Variants in SLIT3 observed in about 807,000 individuals in gnomAD.
The protein encoded by SLIT3 is slit homolog 3 protein.
In SLIT3, 68 loss-of-function variants were observed where a neutral mutation model predicts 184.0. The observed-to-expected ratio is 0.37, with a 90% CI of 0.30 to 0.45. The LOEUF (loss-of-function observed/expected upper bound fraction) is 0.45, where lower values mean the gene tolerates loss of function less well. Ranked by LOEUF, SLIT3 falls within the 20% of genes least tolerant of loss-of-function variation. The probability of loss-of-function intolerance (pLI) is 1.00; values close to 1 mark genes in which losing one functional copy is unlikely to be tolerated. For synonymous variants in SLIT3, 831 were observed against 828.6 expected, an observed-to-expected ratio of 1.00 and a Z score of -0.05; for missense variants, 1,707 against 2,026.0, an observed-to-expected ratio of 0.84 and a Z score of 3.02.
intron 4 of SLIT3, among the ~76,000 whole-genome samples, chr5:169,118,952 T>C (rs923284860): frequency 6.6e-6 from 1 of 152,234 alleles, no homozygotes; most frequent in Non-Finnish European, 1.5e-5. Context: ...TGACCACTTA[T>C]TGTGTGCCAG....
Position 168,907,959 on chromosome 5 carries a change from T to TAG in SLIT3, c.414-24624_414-24623insCT, listed in dbSNP as rs1244335185. On this transcript the variant is annotated intron_variant, in intron 4 of 35. Coordinates refer to ENST00000519560, the MANE Select transcript of SLIT3 (RefSeq NM_003062.4). Reference sequence around the variant, plus strand: ...TATTATACGTGTATATATATATATATATATATATATATATATATATAGAGA... The same window carrying TAG: ...TATTATACGTGTATATATATATATATAGATATATATATATATATATATAGAGA... 1.1e-3 allele frequency among the ~76,000 whole-genome samples: 94 copies of TAG among 88,138 alleles called. 1 individual carries two copies. Among genetic ancestry groups the TAG allele is most frequent in the African/African-American group, 4.0e-3 (91 of 22,612 alleles). 57.8% of individuals were successfully genotyped at this position (88,138 alleles called of 152,430 possible).
At chr5:169,062,529 TG>T (rs1758209161) in intron 4 of SLIT3, among the ~76,000 whole-genome samples, 1 of 152,256 alleles carries the variant, frequency 6.6e-6, no homozygotes, top group African/African-American at 2.4e-5. Context: ...CCTCACTCAC[TG>T]TGCTCCAGGT....
At chr5:168,808,284 G>T (rs1411403009) in intron 8 of SLIT3, among the ~76,000 whole-genome samples, 1 of 151,996 alleles carries the variant, frequency 6.6e-6, no homozygotes, top group African/African-American at 2.4e-5. Context: ...TGAGAAAGTG[G>T]CAACCACAGA....
At chr5:169,088,451 A>G (rs1759409760) in intron 4 of SLIT3, among the ~76,000 whole-genome samples, 1 of 151,862 alleles carries the variant, frequency 6.6e-6, no homozygotes, top group Non-Finnish European at 1.5e-5. Flanking sequence ...GACAACAAAA[A>G]CAATTGGCAT....
chr5:168,997,059 C>T (rs1341505232), intron 4 of SLIT3, among the ~76,000 whole-genome samples: 2 of 152,182 alleles, frequency 1.3e-5, no homozygotes, highest in Non-Finnish European at 2.9e-5. Context: ...GAGGGATCAA[C>T]CGCCTCATTG....
chr5:168,928,778 C>A (rs919862982), intron 4 of SLIT3, among the ~76,000 whole-genome samples: 14 of 152,168 alleles, frequency 9.2e-5, no homozygotes, highest in African/African-American at 3.4e-4. Context: ...AGCCAAGGCA[C>A]TTTCACACCT....
chr5:168,714,277 G>A (rs1047174930), intron 23 of SLIT3, among the ~76,000 whole-genome samples: 5 of 152,190 alleles, frequency 3.3e-5, no homozygotes, highest in Non-Finnish European at 4.4e-5. Flanking sequence ...TTGCTGTTTT[G>A]CATAGGCACC....
intron 26 of SLIT3, among the ~76,000 whole-genome samples, chr5:168,703,331 C>G (rs1412051155): frequency 2.6e-5 from 4 of 151,226 alleles, no homozygotes; most frequent in Non-Finnish European, 1.5e-5. Context: ...GTGTCCCCAA[C>G]CCCTGGGACA....
At position 168,810,819 on chromosome 5, in the gene SLIT3, G is replaced by A. The variant is rs989454722; in HGVS notation, c.794-4232C>T. Reference sequence around the variant, plus strand: ...ACTGATCATCAGTGGTGCTGCCTCCGGTCCAGGGAACACTCAAGTGAGTGA... The same window carrying A: ...ACTGATCATCAGTGGTGCTGCCTCCAGTCCAGGGAACACTCAAGTGAGTGA... On this transcript the variant is annotated intron_variant, in intron 8 of 35. Coordinates refer to ENST00000519560, the MANE Select transcript of SLIT3 (RefSeq NM_003062.4). Among the ~76,000 whole-genome samples, 8 of 152,128 alleles carry A rather than the reference G, an allele frequency of 5.3e-5. No individual in the cohort carries two copies. The South Asian group carries it at 1.0e-3, about 20-fold the overall frequency.
chr5:168,925,664 TAAAA>T (rs79576362), intron 4 of SLIT3, among the ~76,000 whole-genome samples: 1 of 137,556 alleles, frequency 7.3e-6, no homozygotes, highest in Non-Finnish European at 1.6e-5. Context: ...TCTGCCCTGT[TAAAA>T]AAAAAAAAAA....
At chr5:168,789,672 G>A (rs752886160) in intron 10 of SLIT3, 41 bp from the exon 11 acceptor site, 4 of 1,510,488 alleles carry the variant, frequency 2.6e-6, no homozygotes, top group Non-Finnish European at 3.7e-6. Flanking sequence ...ATGGCTCAAA[G>A]GTGCGATAAC....
At chr5:169,283,455 A>G (rs1229310082) in intron 1 of SLIT3, among the ~76,000 whole-genome samples, 1 of 152,188 alleles carries the variant, frequency 6.6e-6, no homozygotes, top group African/African-American at 2.4e-5. Context: ...GATCCAATTG[A>G]CCTGACTTGG....
chr5:169,258,748 C>T (rs1011505921), intron 1 of SLIT3, among the ~76,000 whole-genome samples: 13 of 152,196 alleles, frequency 8.5e-5, no homozygotes, highest in African/African-American at 3.1e-4. Context: ...TAGGTCAGGC[C>T]ACTGGCCTTA....
chr5:169,235,125 ATT>A (rs1765149478), intron 3 of SLIT3, among the ~76,000 whole-genome samples: 1 of 152,046 alleles, frequency 6.6e-6, no homozygotes. Flanking sequence ...GTTTTGTTCC[ATT>A]GTTTTCTTCC....
At position 168,722,278 on chromosome 5, in the gene SLIT3, C is replaced by T. The variant is rs948200379; in HGVS notation, c.2461G>A (p.Gly821Arg). 3.1e-6 allele frequency: 5 copies of T among 1,613,934 alleles called. No homozygotes were observed. Among genetic ancestry groups the T allele is most frequent in the African/African-American group, 2.7e-5 (2 of 74,900 alleles). The change falls in exon 23 of 36, where the codon GGG becomes AGG. Residue 821 changes from glycine to arginine, a missense_variant. Physicochemically the swap from Gly to Arg is moderately radical, Grantham distance 125. This residue lies in a region of SLIT3 where 1,307 missense variants were observed against 1,511.6 expected (regional missense o/e 0.86). Coordinates refer to ENST00000519560, the MANE Select transcript of SLIT3 (RefSeq NM_003062.4). ...CACAGCACTCGCAGGGACCGCAGCCCGTTGAAGGCGTGGACGGGGATGCAC... is the reference window on the plus strand; with the variant it reads ...CACAGCACTCGCAGGGACCGCAGCCTGTTGAAGGCGTGGACGGGGATGCAC... ...LRCIPVHAFN[G>R]LRSLRVLTLH...
At chr5:169,097,213 T>C (rs1413215955) in intron 4 of SLIT3, among the ~76,000 whole-genome samples, 1 of 152,230 alleles carries the variant, frequency 6.6e-6, no homozygotes, top group African/African-American at 2.4e-5. Flanking sequence ...GTTCCCTGCC[T>C]ATAGGGCCAA....
intron 5 of SLIT3, among the ~76,000 whole-genome samples, chr5:168,845,304 C>T (rs1319150598): frequency 6.6e-6 from 1 of 152,136 alleles, no homozygotes; most frequent in Non-Finnish European, 1.5e-5. Flanking sequence ...TCTGGTAGGT[C>T]ATTCTATTGA....
intron 4 of SLIT3, among the ~76,000 whole-genome samples, chr5:168,994,370 A>G (rs1239757840): frequency 6.6e-6 from 1 of 152,088 alleles, no homozygotes; most frequent in Non-Finnish European, 1.5e-5. Context: ...ACATTGTCCT[A>G]TACATTTATT....
intron 4 of SLIT3, among the ~76,000 whole-genome samples, chr5:169,193,132 T>C (rs1763611745): frequency 6.6e-6 from 1 of 152,148 alleles, no homozygotes; most frequent in African/African-American, 2.4e-5. Context: ...GACAGTCTCG[T>C]GTGAATAAAC....
Sources: gnomAD v4.1 joint callset for allele counts (sites outside exome capture counted in the v4.1 genomes callset) on GRCh38, gnomAD v4.1.1 for gene constraint, gnomAD v4.1.1 regional missense constraint, MANE v1.5 for transcripts, NCBI Gene and HGNC (gene_info 2026-07-23, HGNC 2026-07-21) for gene names.